The following CMSS1 variants were observed in gnomAD, a reference collection of about 807,000 sequenced individuals.
CMSS1 encodes cms1 ribosomal small subunit homolog.
A neutral mutation model predicts 43.5 loss-of-function variants in CMSS1; 33 were observed. The observed-to-expected ratio is 0.76, with a 90% CI of 0.57 to 1.01. The LOEUF is 1.01. Among genes scored for constraint, CMSS1 ranks in the 50% least tolerant of loss-of-function variants. The probability of loss-of-function intolerance (pLI) is 0.00; values close to 1 mark genes in which losing one functional copy is unlikely to be tolerated. For synonymous variants in CMSS1, 115 were observed against 117.2 expected (o/e 0.98, Z 0.12); for missense variants, 313 against 326.4 (o/e 0.96, Z 0.32).
intron 1 of CMSS1, among the ~76,000 whole-genome samples, chr3:99,837,441 A>G (rs998093505): frequency 2.3e-4 from 32 of 139,872 alleles, no homozygotes; most frequent in Admixed American, 6.2e-4. Flanking sequence ...AGAAGAGAGA[A>G]AAAAAAAAAA....
In CMSS1 at chr3:100,074,675, ATTTTTTTTTTTTTTT is replaced by A. The variant is rs555819875; in HGVS notation, c.65-72276_65-72262del. On this transcript the variant is annotated intron_variant, in intron 1 of 9. Transcript: ENST00000421999. ...ATTTTCTATGCATGTGCAACATTTGATTTTTTTTTTTTTTTTTTTTTTTTTTTTTTTTTTTTGAGA... is the reference window on the plus strand; with the variant it reads ...ATTTTCTATGCATGTGCAACATTTGATTTTTTTTTTTTTTTTTTTTTGAGA... Among the ~76,000 whole-genome samples, 105 of 34,802 alleles carry A rather than the reference ATTTTTTTTTTTTTTT, an allele frequency of 3.0e-3. 1 individual carries two copies. The highest frequency in any genetic ancestry group is 4.2e-3 in the Non-Finnish European group (85 of 20,250). 22.8% of individuals were successfully genotyped at this position (34,802 alleles called of 152,430 possible).
At chr3:100,050,302 G>A (rs1297113376) in intron 1 of CMSS1, among the ~76,000 whole-genome samples, 1 of 152,118 alleles carries the variant, frequency 6.6e-6, no homozygotes, top group African/African-American at 2.4e-5. Flanking sequence ...TAATGAGTCA[G>A]GAACTTACAC....
intron 1 of CMSS1, among the ~76,000 whole-genome samples, chr3:100,111,962 T>G (rs1172519947): frequency 6.6e-6 from 1 of 152,220 alleles, no homozygotes; most frequent in Non-Finnish European, 1.5e-5. Flanking sequence ...TGCAGATTCC[T>G]ACACTCAGGG....
At chr3:99,972,998 A>G (rs1005963751) in intron 1 of CMSS1, among the ~76,000 whole-genome samples, 2 of 152,234 alleles carry the variant, frequency 1.3e-5, no homozygotes, top group African/African-American at 4.8e-5. Context: ...AATAGGCCAG[A>G]GAATTTGGGA....
chr3:99,863,156 G>T (rs1295605580), intron 1 of CMSS1, among the ~76,000 whole-genome samples: 2 of 152,166 alleles, frequency 1.3e-5, no homozygotes, highest in African/African-American at 2.4e-5. Flanking sequence ...GGATGAAACT[G>T]TCCCACTCGG....
At chr3:99,971,575 C>G (rs1188609620) in intron 1 of CMSS1, among the ~76,000 whole-genome samples, 1 of 152,154 alleles carries the variant, frequency 6.6e-6, no homozygotes, top group Non-Finnish European at 1.5e-5. Flanking sequence ...CCAAAATTCC[C>G]ACTTCCTCCA....
chr3:100,147,271 T>C (rs961476215), intron 2 of CMSS1, among the ~76,000 whole-genome samples: 15 of 146,548 alleles, frequency 1.0e-4, no homozygotes, highest in South Asian at 2.2e-4. Flanking sequence ...TTTTCTTTTT[T>C]TTTTTTTTTT....
intron 1 of CMSS1, among the ~76,000 whole-genome samples, chr3:100,073,619 A>G (rs535043008): frequency 1.3e-3 from 196 of 152,300 alleles, no homozygotes; most frequent in African/African-American, 4.5e-3. Context: ...ACATTTTGTT[A>G]GAGCTCCTCA....
intron 1 of CMSS1, among the ~76,000 whole-genome samples, chr3:99,958,028 T>C (rs138376206): frequency 0.018 from 2,772 of 149,886 alleles, 45 homozygotes; most frequent in Non-Finnish European, 0.03. Context: ...TATGTTTATA[T>C]AAAGGCTCAA....
chr3:99,867,455 A>G (rs1441253592), intron 1 of CMSS1, among the ~76,000 whole-genome samples: 2 of 152,248 alleles, frequency 1.3e-5, no homozygotes, highest in African/African-American at 4.8e-5. Flanking sequence ...TTCACTATTC[A>G]TCGCTTTTTA....
At chr3:100,124,401 A>G (rs2066646531) in intron 1 of CMSS1, among the ~76,000 whole-genome samples, 1 of 152,246 alleles carries the variant, frequency 6.6e-6, no homozygotes, top group South Asian at 2.1e-4. Context: ...CTTCAGCTAC[A>G]GGCATCAGTG....
intron 1 of CMSS1, among the ~76,000 whole-genome samples, chr3:100,119,669 A>G (rs902834143): frequency 6.6e-6 from 1 of 152,232 alleles, no homozygotes; most frequent in African/African-American, 2.4e-5. Flanking sequence ...GAGGAAAGCA[A>G]CTTCAGAACA....
At chr3:100,102,088 C>T (rs970784465) in intron 1 of CMSS1, among the ~76,000 whole-genome samples, 1 of 152,182 alleles carries the variant, frequency 6.6e-6, no homozygotes, top group African/African-American at 2.4e-5. Context: ...CATACGTGTG[C>T]ATGTGTCTTT....
chr3:99,996,700 A>G (rs2107150296), intron 1 of CMSS1, among the ~76,000 whole-genome samples: 1 of 152,240 alleles, frequency 6.6e-6, no homozygotes, highest in East Asian at 1.9e-4. Flanking sequence ...GGCAAGAGAA[A>G]ATGAGGAAGA....
intron 4 of CMSS1, among the ~76,000 whole-genome samples, chr3:100,164,300 G>A (rs1043361315): frequency 6.6e-6 from 1 of 152,138 alleles, no homozygotes; most frequent in Non-Finnish European, 1.5e-5. Context: ...TTCTTTGTTA[G>A]AGCAACTTGA....
At chr3:99,978,871 C>T (rs1005614318) in intron 1 of CMSS1, among the ~76,000 whole-genome samples, 10 of 151,324 alleles carry the variant, frequency 6.6e-5, no homozygotes, top group South Asian at 6.3e-4. Context: ...GGCAACAGAG[C>T]GAGACTCTTG....
In CMSS1 at chr3:99,833,244, CAGA is replaced by C. The variant is rs774378172; in HGVS notation, c.64+15207_64+15209del. ...CTGAAGGATGTTGAGTTCAATGAGG[CAGA>C]AGAAGTGGTTCCACCTAGGGAGCAG... is the stretch of plus-strand genomic sequence containing the variant. On this transcript the variant is annotated intron_variant, in intron 1 of 9. Transcript: ENST00000421999. 7.4e-6 allele frequency: 12 copies of C among 1,612,228 alleles called. No individual in the cohort carries two copies. The South Asian group carries it at 9.9e-5, about 13-fold the overall frequency.
chr3:99,864,685 T>C (rs186100867), intron 1 of CMSS1, among the ~76,000 whole-genome samples: 6 of 152,202 alleles, frequency 3.9e-5, no homozygotes, highest in Admixed American at 6.5e-5. Flanking sequence ...CCTTCTACTG[T>C]TCTCCTCTTT....
intron 1 of CMSS1, among the ~76,000 whole-genome samples, chr3:99,892,609 C>T (rs976136865): frequency 6.6e-6 from 1 of 152,144 alleles, no homozygotes; most frequent in Admixed American, 6.5e-5. Flanking sequence ...TCAGTAGTTC[C>T]AGGCATCTCA....
Sources: gnomAD v4.1 joint callset for allele counts (sites outside exome capture counted in the v4.1 genomes callset) on GRCh38, gnomAD v4.1.1 for gene constraint, MANE v1.5 for transcripts, NCBI Gene and HGNC (gene_info 2026-07-23, HGNC 2026-07-21) for gene names.